The following DENND2C variants were observed in gnomAD, a reference collection of about 807,000 sequenced individuals.
The protein encoded by DENND2C is DENN domain containing 2C, also known as DENN domain-containing protein 2C.
A neutral mutation model predicts 112.4 loss-of-function variants in DENND2C; 72 were observed. The ratio of observed to expected loss-of-function variants is 0.64; its 90% CI spans 0.53 to 0.78. The LOEUF (loss-of-function observed/expected upper bound fraction) is 0.78. Ranked by LOEUF, DENND2C falls within the 30% of genes least tolerant of loss-of-function variation. DENND2C has a pLI of 0.00. For synonymous variants in DENND2C, 329 were observed against 381.6 expected (o/e 0.86, Z 1.61); for missense variants, 992 against 1,113.8 (o/e 0.89, Z 1.56).
intron 18 of DENND2C, among the ~76,000 whole-genome samples, chr1:114,589,793 A>G (rs1006266234): frequency 2.6e-5 from 4 of 151,986 alleles, no homozygotes; most frequent in Non-Finnish European, 4.4e-5. Context: ...TTTGATATGT[A>G]TGAATATTTT....
At chr1:114,631,956 GACA>G (rs934658129) in intron 3 of DENND2C, among the ~76,000 whole-genome samples, 60 of 152,056 alleles carry the variant, frequency 3.9e-4, no homozygotes, top group African/African-American at 1.4e-3. Flanking sequence ...ATTTAAAAAA[GACA>G]ACAAATAAAA....
chr1:114,623,017 TG>T lies in DENND2C; in HGVS notation c.1025del (p.Pro342HisfsTer26), dbSNP rs1656209302. On this transcript the variant is annotated frameshift_variant, in exon 6 of 21. Transcript: ENST00000393274. LOFTEE classifies it high-confidence loss of function. ...MWRSPSAWKL[P>X]PAKSAFKAPK... is the part of the protein sequence containing the mutation. ...GTGCTTTAAAAGCACTTTTAGCGGG[TG>T]GTAGCTTCCATGCTGAAGGGGATCT... The T allele has an allele frequency of 6.2e-7, 1 of 1,613,278 alleles. No individual in the cohort carries two copies. Among genetic ancestry groups the T allele is most frequent in the African/African-American group, 1.3e-5 (1 of 74,868 alleles).
At chr1:114,659,003 C>T (rs989039752) in intron 1 of DENND2C, among the ~76,000 whole-genome samples, 12 of 152,136 alleles carry the variant, frequency 7.9e-5, no homozygotes, top group African/African-American at 2.9e-4. Context: ...TGATGTGATG[C>T]ATCGCTTCTC....
At chr1:114,592,472 C>T (rs935227573) in intron 18 of DENND2C, among the ~76,000 whole-genome samples, 1 of 152,114 alleles carries the variant, frequency 6.6e-6, no homozygotes, top group Non-Finnish European at 1.5e-5. Flanking sequence ...AATCCCACGG[C>T]TTTGAGAGGC....
chr1:114,594,438 C>A (rs1032716925), intron 18 of DENND2C, 35 bp downstream of exon 18: 1 of 1,550,860 alleles, frequency 6.4e-7, no homozygotes, highest in African/African-American at 1.4e-5. Flanking sequence ...TACCTTAACC[C>A]TTAACCTTAA....
intron 3 of DENND2C, among the ~76,000 whole-genome samples, chr1:114,632,945 TGAG>T (rs1656535683): frequency 6.6e-6 from 1 of 152,034 alleles, no homozygotes; most frequent in East Asian, 1.9e-4. Flanking sequence ...AAAAAAGGAA[TGAG>T]GAGAACAAAA....
chr1:114,602,242 G>T, intron 11 of DENND2C, 48 bp from the exon 12 acceptor site: 2 of 1,585,932 alleles, frequency 1.3e-6, no homozygotes, highest in South Asian at 1.1e-5. Context: ...AATTACTTAT[G>T]GCATTCTCCA....
chr1:114,617,355 G>C (rs1011152111), intron 8 of DENND2C, among the ~76,000 whole-genome samples: 3 of 152,000 alleles, frequency 2.0e-5, no homozygotes, highest in Admixed American at 6.6e-5. Flanking sequence ...CTGTCACCCA[G>C]GCTGCAGTGC....
chr1:114,665,555 C>T (rs899267650), intron 1 of DENND2C, among the ~76,000 whole-genome samples: 1 of 152,116 alleles, frequency 6.6e-6, no homozygotes, highest in African/African-American at 2.4e-5. Context: ...ATAAACCCTT[C>T]GTAAGTTTAT....
chr1:114,618,880 T>C lies in DENND2C; in HGVS notation c.1228-398A>G, dbSNP rs567036248. Among the ~76,000 whole-genome samples the C allele has an allele frequency of 1.3e-3, 197 of 152,354 alleles. 2 individuals carry two copies. Among genetic ancestry groups the C allele is most frequent in the Admixed American group, 0.012 (179 of 15,308 alleles). On this transcript the variant is annotated intron_variant, in intron 7 of 20. Coordinates refer to ENST00000393274, the MANE Select transcript of DENND2C (RefSeq NM_001256404.2). ...TTTATCTGAAAGGCAGGGTGAGGTA[T>C]AGTTATTTCTGCTCCCAGAAATTCT...
chr1:114,595,950 C>G (rs540774825), intron 16 of DENND2C, 77 bp from the exon 17 acceptor site: 9 of 1,334,102 alleles, frequency 6.7e-6, no homozygotes, highest in African/African-American at 5.9e-5. Flanking sequence ...TAGTTTTAAA[C>G]AAAATTTACT....
chr1:114,642,704 T>C (rs1033964248), intron 3 of DENND2C, among the ~76,000 whole-genome samples: 5 of 152,216 alleles, frequency 3.3e-5, no homozygotes, highest in Non-Finnish European at 5.9e-5. Flanking sequence ...ACCAAGAGGT[T>C]AAGTAACAAA....
chr1:114,629,195 T>C (rs1039579079), intron 3 of DENND2C, among the ~76,000 whole-genome samples: 9 of 152,194 alleles, frequency 5.9e-5, no homozygotes, highest in African/African-American at 1.9e-4. Flanking sequence ...ATAACCACAA[T>C]GGACAATCTC....
At chr1:114,594,616 G>T in intron 17 of DENND2C, 38 bp from the exon 18 acceptor site, 1 of 1,537,152 alleles carries the variant, frequency 6.5e-7, no homozygotes, top group South Asian at 1.1e-5. Context: ...TTCTTTGTTT[G>T]AGATTTGAGG....
rs1557948789 is a variant in DENND2C, at chr1:114,623,589, CGTCT to C, written c.857_860del (p.Gln286ArgfsTer81). On this transcript the variant is annotated frameshift_variant, in exon 5 of 21. Coordinates refer to ENST00000393274, the MANE Select transcript of DENND2C (RefSeq NM_001256404.2). LOFTEE classifies it high-confidence loss of function. ...AATTTCTTCCAAGTTCTTCACGAAT[CGTCT>C]GTGAGTTCCGATTTCGAAAGTGCTG... 14 of 1,608,100 alleles carry C rather than the reference CGTCT, an allele frequency of 8.7e-6. No homozygotes were observed. Among genetic ancestry groups the C allele is most frequent in the African/African-American group, 4.0e-5 (3 of 74,676 alleles).
Position 114,587,915 on chromosome 1 carries a change from G to C in DENND2C, c.2469C>G (p.Val823=). ...GTCCTACCAACTCCACAAAAAACCT[G>C]ACAAATGCTTCGGACACCAGAGAGT... ...TLNSLVSEAF[V]RFFVELVGHY... is the part of the protein sequence containing the mutation. Residue 823 remains valine (V), a synonymous_variant, in exon 19 of 21, where the codon GTC becomes GTG. Transcript: ENST00000393274. 6.2e-7 allele frequency: 1 copy of C among 1,614,038 alleles called. No homozygotes were observed. Among genetic ancestry groups the C allele is most frequent in the Non-Finnish European group, 8.5e-7 (1 of 1,180,006 alleles).
At chr1:114,600,997 T>TAAATAACA in intron 13 of DENND2C, 37 bp from the exon 14 acceptor site, 2 of 1,579,160 alleles carry the variant, frequency 1.3e-6, no homozygotes, top group Non-Finnish European at 1.7e-6. Flanking sequence ...ATGGACTAAG[T>TAAATAACA]TAAAAAATAT....
In DENND2C at chr1:114,622,015, G is replaced by A. The variant is rs375316599; in HGVS notation, c.1107C>T (p.Asn369=). ...FLHRKTMEVK[N]SQAYLRSKLT... is the part of the protein sequence containing the mutation. ...GCTTTGACCGCAAATAAGCCTGTGA[G>A]TTCTTTACTTCCATAGTCTTCCGGT... Residue 369 remains asparagine, a synonymous_variant, in exon 7 of 21, where the codon AAC becomes AAT. Transcript: ENST00000393274. 1.1e-4 allele frequency: 175 copies of A among 1,550,466 alleles called. No individual in the cohort carries two copies. The South Asian group carries it at 1.9e-3, about 17-fold the overall frequency.
At chr1:114,602,241 T>A in intron 11 of DENND2C, 47 bp from the exon 12 acceptor site, 1 of 1,589,766 alleles carries the variant, frequency 6.3e-7, no homozygotes, top group Admixed American at 1.7e-5. Context: ...CAATTACTTA[T>A]GGCATTCTCC....
Sources: gnomAD v4.1 joint callset for allele counts (sites outside exome capture counted in the v4.1 genomes callset) on GRCh38, gnomAD v4.1.1 for gene constraint, MANE v1.5 for transcripts, NCBI Gene and HGNC (gene_info 2026-07-23, HGNC 2026-07-21) for gene names.